Variants in FUT8 observed in about 807,000 individuals in gnomAD.
FUT8 encodes the protein fucosyltransferase 8, also known as alpha-(1,6)-fucosyltransferase.
FUT8 carries 29 observed loss-of-function variants against 71.3 expected under a neutral mutation model. The ratio of observed to expected loss-of-function variants is 0.41; its 90% CI spans 0.30 to 0.55. FUT8 has a LOEUF of 0.55. Ranked by LOEUF, FUT8 falls within the 20% of genes least tolerant of loss-of-function variation. FUT8 has a pLI of 0.34. For missense variants in FUT8, 544 were observed against 702.1 expected (o/e 0.77, Z 2.55); for synonymous variants, 254 against 239.3 (o/e 1.06, Z -0.57).
chr14:65,407,475 T>A (rs967884044), upstream of FUT8, among the ~76,000 whole-genome samples: 6 of 152,090 alleles, frequency 3.9e-5, no homozygotes, highest in South Asian at 2.1e-4. Flanking sequence ...CCAATATATT[T>A]AAAAAAATAG....
chr14:65,521,868 C>CT (rs71126758), intron 2 of FUT8, among the ~76,000 whole-genome samples: 15,036 of 144,134 alleles, frequency 0.1, 1,078 homozygotes, highest in African/African-American at 0.21. Flanking sequence ...GAATCTTCTT[C>CT]TTTTTTTTTT....
At chr14:65,396,837 G>A in the FUT8 span, among the ~76,000 whole-genome samples, 1 of 152,266 alleles carries the variant, frequency 6.6e-6, no homozygotes, top group South Asian at 2.1e-4. The surrounding 1 kb of genome is among the most constrained non-coding windows in gnomAD (Gnocchi z 5.5). Flanking sequence ...TTTAGTTTTA[G>A]TTTGAGTTAT....
chr14:65,539,695 G>T (rs1884561334), intron 2 of FUT8, among the ~76,000 whole-genome samples: 3 of 152,282 alleles, frequency 2.0e-5, no homozygotes, highest in South Asian at 4.1e-4. Flanking sequence ...ACATAATAGG[G>T]TTGTTGTGAG....
the FUT8 span, among the ~76,000 whole-genome samples, chr14:65,374,085 C>A: frequency 1.3e-5 from 2 of 152,230 alleles, no homozygotes. Context: ...GATTCTCAGA[C>A]TCGTTGATCT....
At chr14:65,392,048 T>A in the FUT8 span, among the ~76,000 whole-genome samples, 7 of 152,176 alleles carry the variant, frequency 4.6e-5, no homozygotes, top group African/African-American at 1.4e-4. Flanking sequence ...TTCTCTGGCC[T>A]CAGCCTTCCA....
intron 7 of FUT8, among the ~76,000 whole-genome samples, chr14:65,701,520 T>C (rs1467173570): frequency 6.6e-6 from 1 of 152,234 alleles, no homozygotes; most frequent in African/African-American, 2.4e-5. Flanking sequence ...ATTCTCATTC[T>C]CTAAGGGTAT....
intron 7 of FUT8, among the ~76,000 whole-genome samples, chr14:65,717,466 C>G (rs1198864917): frequency 2.8e-5 from 4 of 142,878 alleles, no homozygotes; most frequent in African/African-American, 1.1e-4. Context: ...GGCAGAGGCG[C>G]TCCTCACTTC....
intron 10 of FUT8, among the ~76,000 whole-genome samples, chr14:65,737,955 C>T (rs940144772): frequency 6.6e-6 from 1 of 152,218 alleles, no homozygotes; most frequent in East Asian, 1.9e-4. Context: ...TGGCTCTGGA[C>T]AGGAATTTCC....
intron 1 of FUT8, among the ~76,000 whole-genome samples, chr14:65,439,954 G>GTGTATGTGTATATATATA: frequency 1.3e-5 from 1 of 74,984 alleles, no homozygotes; most frequent in African/African-American, 5.1e-5. Context: ...GTGTGTGTGT[G>GTGTATGTGTATATATATA]TATATATATA....
intron 2 of FUT8, among the ~76,000 whole-genome samples, chr14:65,538,010 G>T (rs1051021931): frequency 2.0e-5 from 3 of 152,210 alleles, no homozygotes; most frequent in Admixed American, 6.5e-5. Context: ...CTGTAGCAGG[G>T]TGTTAGTGGG....
intron 2 of FUT8, among the ~76,000 whole-genome samples, chr14:65,496,866 G>A (rs1474400618): frequency 2.0e-5 from 3 of 152,080 alleles, no homozygotes; most frequent in Non-Finnish European, 4.4e-5. Context: ...AGTTAGCCTA[G>A]ATTAAAGAGT....
intron 2 of FUT8, among the ~76,000 whole-genome samples, chr14:65,547,202 G>T (rs185757245): frequency 0.012 from 1,794 of 150,014 alleles, 14 homozygotes; most frequent in Middle Eastern, 0.024. Flanking sequence ...CCCATTTTTT[G>T]TTTTCATTGA....
rs1223726982 is a variant in FUT8 at position 65,489,858 on chromosome 14, C to G, written c.-228+34140C>G. 6.6e-6 allele frequency among the ~76,000 whole-genome samples: 1 copy of G among 151,882 alleles called. No individual in the cohort carries two copies. Among genetic ancestry groups the G allele is most frequent in the Non-Finnish European group, 1.5e-5 (1 of 67,920 alleles). ...TACATGCAAGTTTTTGCACAAATAT[C>G]AAAGAAATTCAGTGTACTTTCTTTT... is the stretch of plus-strand genomic sequence containing the variant. On this transcript the variant is annotated intron_variant, in intron 2 of 10. Coordinates refer to ENST00000673929, the MANE Select transcript of FUT8 (RefSeq NM_001371533.1). The surrounding 1 kb of genome is among the most constrained non-coding windows in gnomAD (Gnocchi z 4.0).
At chr14:65,412,329 T>C (rs1258171007), upstream of FUT8, 1 of 456,274 alleles carries the variant, frequency 2.2e-6, no homozygotes, top group Non-Finnish European at 4.4e-6. Context: ...TCAAAACCTC[T>C]AGTGCGGGTG....
chr14:65,648,718 A>G (rs2140315965), intron 6 of FUT8, among the ~76,000 whole-genome samples: 1 of 152,306 alleles, frequency 6.6e-6, no homozygotes, highest in East Asian at 1.9e-4. Flanking sequence ...CTGCTAATGA[A>G]ATCAGTTTTC....
intron 5 of FUT8, among the ~76,000 whole-genome samples, chr14:65,625,662 C>T (rs918036580): frequency 1.6e-4 from 25 of 152,330 alleles, no homozygotes; most frequent in Non-Finnish European, 2.5e-4. Context: ...TGAATGTTGA[C>T]ACATGAAACA....
chr14:65,430,990 ATTTTTT>A (rs5809273), intron 1 of FUT8, among the ~76,000 whole-genome samples: 1 of 127,022 alleles, frequency 7.9e-6, no homozygotes, highest in South Asian at 2.6e-4. Flanking sequence ...TTTTCTACTA[ATTTTTT>A]TTTTTTTTTT....
At chr14:65,585,099 C>T (rs567709739) in intron 3 of FUT8, among the ~76,000 whole-genome samples, 27 of 152,132 alleles carry the variant, frequency 1.8e-4, no homozygotes, top group African/African-American at 5.3e-4. Flanking sequence ...TGCTCCTGCA[C>T]GCTTTCATGG....
chr14:65,693,701 T>C (rs879734553), intron 7 of FUT8, among the ~76,000 whole-genome samples: 1 of 152,254 alleles, frequency 6.6e-6, no homozygotes, highest in Non-Finnish European at 1.5e-5. Flanking sequence ...AATATTAGCC[T>C]CATAGAATGA....
Sources: allele counts gnomAD v4.1 joint callset (sites outside exome capture counted in the v4.1 genomes callset), GRCh38; gene constraint gnomAD v4.1.1; non-coding constraint Gnocchi (gnomAD v3.1); transcripts MANE v1.5; gene names NCBI Gene and HGNC (gene_info 2026-07-23, HGNC 2026-07-21).